Variants in AKAP6 observed in about 807,000 individuals in gnomAD.
The protein encoded by AKAP6 is A-kinase anchor protein 6.
In AKAP6, 58 loss-of-function variants were observed where a neutral mutation model predicts 188.5. The observed-to-expected ratio is 0.31, with a 90% CI of 0.25 to 0.38. The LOEUF (loss-of-function observed/expected upper bound fraction) is 0.38. Ranked by LOEUF, AKAP6 falls within the 10% of genes least tolerant of loss-of-function variation. AKAP6 has a pLI of 1.00. For missense variants in AKAP6, 2,710 were observed against 2,740.0 expected (o/e 0.99, Z 0.24); for synonymous variants, 989 against 998.6 (o/e 0.99, Z 0.18).
At chr14:32,788,155 T>C (rs2140043719) in intron 12 of AKAP6, among the ~76,000 whole-genome samples, 2 of 152,228 alleles carry the variant, frequency 1.3e-5, no homozygotes, top group African/African-American at 4.8e-5. Flanking sequence ...AATGTGACAG[T>C]TTCCAGTAGA....
At chr14:32,772,376 TATAAATTGA>T (rs2032926025) in intron 11 of AKAP6, among the ~76,000 whole-genome samples, 1 of 152,178 alleles carries the variant, frequency 6.6e-6, no homozygotes, top group African/African-American at 2.4e-5. Flanking sequence ...GCTGCGCTGG[TATAAATTGA>T]ATAATAAAAT....
At chr14:32,597,003 TACCA>T (rs1885731501) in intron 5 of AKAP6, among the ~76,000 whole-genome samples, 1 of 152,146 alleles carries the variant, frequency 6.6e-6, no homozygotes, top group Non-Finnish European at 1.5e-5. Flanking sequence ...AGCAATATTG[TACCA>T]TTTGGGTAAT....
chr14:32,699,030 C>G (rs1038358863), intron 9 of AKAP6, among the ~76,000 whole-genome samples: 2 of 152,236 alleles, frequency 1.3e-5, no homozygotes, highest in Non-Finnish European at 2.9e-5. Flanking sequence ...CAAACCCTGA[C>G]TCATGCACTT....
At chr14:32,793,818 T>C (rs534340616) in intron 12 of AKAP6, among the ~76,000 whole-genome samples, 1 of 151,716 alleles carries the variant, frequency 6.6e-6, no homozygotes, top group Admixed American at 6.6e-5. Flanking sequence ...TAAATATATA[T>C]GCACCCTATA....
chr14:32,546,699 A>C lies in AKAP6; in HGVS notation c.2046A>C (p.Pro682=). The C allele has an allele frequency of 6.2e-7, 1 of 1,614,150 alleles. No individual in the cohort carries two copies. The highest frequency in any genetic ancestry group is 8.5e-7 in the Non-Finnish European group (1 of 1,180,026). Residue 682 remains proline (P), a synonymous_variant, in exon 4 of 14, where the codon CCA becomes CCC. Transcript: ENST00000280979. ...SEMNSDSEIY[P]TYHVKKKHTR... ...TGAATTCAGATTCTGAAATCTATCC[A>C]ACCTATCATGTCAAAAAGAAGCATA...
intron 2 of AKAP6, among the ~76,000 whole-genome samples, chr14:32,515,704 C>T (rs755414295): frequency 1.3e-5 from 2 of 152,054 alleles, no homozygotes; most frequent in South Asian, 2.1e-4. Context: ...TGATGCCTAG[C>T]GTGATGCAAA....
At chr14:32,434,911 T>C (rs1330000965) in intron 2 of AKAP6, among the ~76,000 whole-genome samples, 1 of 152,138 alleles carries the variant, frequency 6.6e-6, no homozygotes, top group Non-Finnish European at 1.5e-5. Flanking sequence ...ATCTTAAAGG[T>C]GACTGGGCTT....
intron 7 of AKAP6, among the ~76,000 whole-genome samples, chr14:32,653,574 G>A (rs146848964): frequency 1.3e-5 from 2 of 152,092 alleles, no homozygotes; most frequent in Non-Finnish European, 2.9e-5. Context: ...CATGGTTCCT[G>A]TAAAGCCTGC....
Position 32,813,396 on chromosome 14 carries a change from C to CA in AKAP6, c.3589-8006_3589-8005insA, listed in dbSNP as rs199771800. On this transcript the variant is annotated intron_variant, in intron 12 of 13. Transcript: ENST00000280979. Reference sequence around the variant, plus strand: ...GTTTTCATCTCTAACCCTACCCCCCCCCCCAACCCCTTTCCCAGAGGTCCT... The same window carrying CA: ...GTTTTCATCTCTAACCCTACCCCCCCACCCCAACCCCTTTCCCAGAGGTCCT... Among the ~76,000 whole-genome samples, 15 of 121,912 alleles carry CA rather than the reference C, an allele frequency of 1.2e-4. 1 individual carries two copies. In the East Asian group the frequency reaches 4.3e-3, roughly 35 times the overall value. The allele number at this position is 121,912 out of a possible 152,430, so 80.0% of individuals were successfully genotyped here. A position where few individuals can be genotyped will look rare whatever the true frequency, so the allele number is the denominator to read the frequency against.
intron 2 of AKAP6, among the ~76,000 whole-genome samples, chr14:32,511,622 C>T (rs1881267548): frequency 6.6e-6 from 1 of 152,120 alleles, no homozygotes; most frequent in African/African-American, 2.4e-5. Context: ...GGTGACCCAC[C>T]CACCTCGGCC....
intron 8 of AKAP6, among the ~76,000 whole-genome samples, chr14:32,678,864 A>T (rs1389547175): frequency 2.0e-5 from 3 of 152,184 alleles, no homozygotes; most frequent in Non-Finnish European, 4.4e-5. Flanking sequence ...AGAAGAACAT[A>T]ATTTTCCTGA....
At chr14:32,535,463 T>C in intron 2 of AKAP6, 91 bp from the exon 3 acceptor site, 2 of 1,419,814 alleles carry the variant, frequency 1.4e-6, no homozygotes, top group Non-Finnish European at 1.9e-6. Context: ...TGATAATTGG[T>C]GTTAGGTAAG....
At chr14:32,419,273 G>A (rs1357061341) in intron 1 of AKAP6, among the ~76,000 whole-genome samples, 1 of 152,172 alleles carries the variant, frequency 6.6e-6, no homozygotes, top group Non-Finnish European at 1.5e-5. Context: ...GCTATCTCTT[G>A]TTAGTATTTT....
chr14:32,430,847 C>G (rs1207220282), intron 1 of AKAP6, among the ~76,000 whole-genome samples: 1 of 152,086 alleles, frequency 6.6e-6, no homozygotes, highest in Non-Finnish European at 1.5e-5. Flanking sequence ...TGGCTCATGC[C>G]TGTAATCCCA....
intron 2 of AKAP6, among the ~76,000 whole-genome samples, chr14:32,492,712 A>C (rs375359428): frequency 6.6e-6 from 1 of 152,134 alleles, no homozygotes; most frequent in Non-Finnish European, 1.5e-5. Context: ...TCTTAAAAAA[A>C]ATTCTCCATG....
chr14:32,463,899 T>G (rs747331036), intron 2 of AKAP6, among the ~76,000 whole-genome samples: 14 of 151,968 alleles, frequency 9.2e-5, no homozygotes, highest in Non-Finnish European at 1.9e-4. Context: ...CAATAAAAAA[T>G]GATAAAGGGG....
intron 2 of AKAP6, among the ~76,000 whole-genome samples, chr14:32,488,678 CTCCTGGTCTGCAGGT>C (rs1879833044): frequency 6.6e-6 from 1 of 151,952 alleles, no homozygotes; most frequent in Non-Finnish European, 1.5e-5. Context: ...TGGAGGGAAT[CTCCTGGTCTGCAGGT>C]TGCAAAGACA....
chr14:32,821,267 A>G, intron 12 of AKAP6, 135 bp from the exon 13 acceptor site: 5 of 874,882 alleles, frequency 5.7e-6, no homozygotes, highest in Admixed American at 3.0e-5. Flanking sequence ...AATAGAGTTG[A>G]TAATTAGGCC....
chr14:32,732,817 A>G, intron 10 of AKAP6: 1 of 629,304 alleles, frequency 1.6e-6, no homozygotes, highest in East Asian at 2.7e-5. Context: ...AGATTTTAAT[A>G]ATTTTGGTTC....
Sources: gnomAD v4.1 joint callset for allele counts (sites outside exome capture counted in the v4.1 genomes callset) on GRCh38, gnomAD v4.1.1 for gene constraint, MANE v1.5 for transcripts, NCBI Gene and HGNC (gene_info 2026-07-23, HGNC 2026-07-21) for gene names.